Variants in SRFBP1 observed in about 807,000 individuals in gnomAD.
SRFBP1 encodes serum response factor-binding protein 1.
Under a neutral mutation model 45.5 loss-of-function variants are expected in SRFBP1, and 47 were observed. That is an observed-to-expected ratio of 1.03 (90% confidence interval 0.82 to 1.32). SRFBP1 has a LOEUF of 1.32. Among genes scored for constraint, SRFBP1 ranks in the 40% most tolerant of loss-of-function variants. The pLI, the probability that SRFBP1 is intolerant of heterozygous loss-of-function variation, is 0.00. For synonymous variants in SRFBP1, 203 were observed against 166.3 expected, an observed-to-expected ratio of 1.22 and a Z score of -1.70; for missense variants, 621 against 484.6, an observed-to-expected ratio of 1.28 and a Z score of -2.64.
intron 3 of SRFBP1, among the ~76,000 whole-genome samples, chr5:121,985,142 A>T (rs564922401): frequency 2.0e-5 from 3 of 151,826 alleles, no homozygotes; most frequent in Non-Finnish European, 4.4e-5. Context: ...AGAAAAATGG[A>T]GAGAGCTTCA....
intron 1 of SRFBP1, among the ~76,000 whole-genome samples, chr5:121,972,465 G>T (rs943943339): frequency 1.1e-4 from 17 of 151,864 alleles, no homozygotes; most frequent in African/African-American, 3.6e-4. Context: ...TGGCTAGGAA[G>T]AATGGGGGTC....
intron 4 of SRFBP1, among the ~76,000 whole-genome samples, chr5:121,995,698 C>A (rs1262435530): frequency 6.6e-6 from 1 of 151,880 alleles, no homozygotes; most frequent in Non-Finnish European, 1.5e-5. Context: ...CACAAAAAAC[C>A]CTTCAAAAAA....
intron 2 of SRFBP1, among the ~76,000 whole-genome samples, chr5:122,047,352 G>A (rs1256557601): frequency 6.6e-6 from 1 of 152,170 alleles, no homozygotes; most frequent in Non-Finnish European, 1.5e-5. Flanking sequence ...ACATCAGATG[G>A]TTGTAGATAT....
intron 2 of SRFBP1, among the ~76,000 whole-genome samples, chr5:122,034,268 T>C (rs149114203): frequency 4.9e-4 from 74 of 152,364 alleles, no homozygotes; most frequent in African/African-American, 1.6e-3. Flanking sequence ...ATATGTTTGC[T>C]GTCAACCCTG....
intron 1 of SRFBP1, among the ~76,000 whole-genome samples, chr5:121,971,861 A>T (rs1212839703): frequency 6.6e-6 from 1 of 152,018 alleles, no homozygotes; most frequent in Non-Finnish European, 1.5e-5. Flanking sequence ...TCAAATTTCC[A>T]TTGGATTTCA....
chr5:121,970,143 G>A (rs974681024), intron 1 of SRFBP1, among the ~76,000 whole-genome samples: 25 of 152,040 alleles, frequency 1.6e-4, no homozygotes, highest in African/African-American at 6.0e-4. Flanking sequence ...TAACTTAAAG[G>A]CTATATTTGT....
At chr5:122,000,534 T>C (rs759047806) in intron 4 of SRFBP1, among the ~76,000 whole-genome samples, 5 of 152,070 alleles carry the variant, frequency 3.3e-5, no homozygotes, top group Non-Finnish European at 5.9e-5. Flanking sequence ...TGTCCTTTAT[T>C]TTAAAAAATA....
At chr5:121,990,946 A>G (rs1304865278) in intron 3 of SRFBP1, among the ~76,000 whole-genome samples, 1 of 152,196 alleles carries the variant, frequency 6.6e-6, no homozygotes, top group Non-Finnish European at 1.5e-5. Flanking sequence ...AAGCCTCTGC[A>G]TACCATTTGT....
chr5:122,019,412 A>G, intron 5 of SRFBP1, 71 bp downstream of exon 5: 5 of 1,174,930 alleles, frequency 4.3e-6, no homozygotes, highest in Non-Finnish European at 6.1e-6. Flanking sequence ...CTATTCACTT[A>G]TTTTAACTCT....
At chr5:122,011,767 A>T (rs1753098807) in intron 4 of SRFBP1, among the ~76,000 whole-genome samples, 1 of 152,108 alleles carries the variant, frequency 6.6e-6, no homozygotes, top group African/African-American at 2.4e-5. Flanking sequence ...AGGAAGGAAG[A>T]TGGGCAAGAG....
At chr5:121,992,692 A>C (rs936152223) in intron 3 of SRFBP1, among the ~76,000 whole-genome samples, 2 of 152,108 alleles carry the variant, frequency 1.3e-5, no homozygotes, top group Non-Finnish European at 2.9e-5. Flanking sequence ...TTTGCGTATC[A>C]TACTACTAGA....
At chr5:122,018,860 C>G (rs952652912) in intron 4 of SRFBP1, among the ~76,000 whole-genome samples, 3 of 152,144 alleles carry the variant, frequency 2.0e-5, no homozygotes, top group Non-Finnish European at 4.4e-5. Context: ...TTACAGTAGT[C>G]TCACCCAGTT....
intron 1 of SRFBP1, among the ~76,000 whole-genome samples, chr5:121,967,688 A>G (rs1281800573): frequency 6.6e-6 from 1 of 152,128 alleles, no homozygotes; most frequent in Admixed American, 6.5e-5. Context: ...CAGAAAAATT[A>G]GCCAAACATG....
chr5:121,992,384 T>G (rs1752637136), intron 3 of SRFBP1, among the ~76,000 whole-genome samples: 1 of 152,002 alleles, frequency 6.6e-6, no homozygotes, highest in South Asian at 2.1e-4. Context: ...TTTCGTTTTT[T>G]TGTTGTTGTT....
At chr5:122,030,060 A>C (rs998388654), downstream of SRFBP1, among the ~76,000 whole-genome samples, 2 of 152,226 alleles carry the variant, frequency 1.3e-5, no homozygotes, top group African/African-American at 4.8e-5. Flanking sequence ...ACAGAAGCCT[A>C]CTAGCCAAAG....
chr5:122,019,381 TTTG>T, intron 5 of SRFBP1, 40 bp downstream of exon 5: 1 of 1,478,654 alleles, frequency 6.8e-7, no homozygotes, highest in African/African-American at 1.4e-5. Context: ...ACTTAATGTA[TTTG>T]TAGACTTTGG....
At chr5:122,077,992 T>C (rs1443575605), downstream of SRFBP1, 2 of 1,444,518 alleles carry the variant, frequency 1.4e-6, no homozygotes, top group Non-Finnish European at 1.8e-6. The surrounding 1 kb of genome is among the most constrained non-coding windows in gnomAD (Gnocchi z 4.9). Context: ...GCATCACTCC[T>C]TTTGCCAGAT....
At position 122,059,520 on chromosome 5, in the gene SRFBP1, A is replaced by C. The variant is rs535253650; in HGVS notation, n.312-15795A>C. ...CTCCCACCTTACCCCAGCAAAATCT[A>C]TGTGTAAATTTTTCTATACCCCTAA... On this transcript the variant is annotated intron_variant and non_coding_transcript_variant, in intron 2 of 2. Coordinates refer to the SRFBP1 transcript ENST00000504881. Among the ~76,000 whole-genome samples the C allele has an allele frequency of 2.6e-5, 4 of 152,188 alleles. No individual in the cohort carries two copies. In the South Asian group the frequency reaches 8.3e-4, roughly 32 times the overall value.
intron 1 of SRFBP1, among the ~76,000 whole-genome samples, chr5:121,966,391 A>G (rs1237029976): frequency 6.6e-6 from 1 of 152,218 alleles, no homozygotes; most frequent in African/African-American, 2.4e-5. Context: ...TTGCTTTTAT[A>G]GCAGCTTCCC....
Sources: gnomAD v4.1 joint callset for allele counts (sites outside exome capture counted in the v4.1 genomes callset) on GRCh38, gnomAD v4.1.1 for gene constraint, Gnocchi (gnomAD v3.1) non-coding constraint, MANE v1.5 for transcripts, NCBI Gene and HGNC (gene_info 2026-07-23, HGNC 2026-07-21) for gene names.